The following SLC9A3 variants were observed in gnomAD, a reference collection of about 807,000 sequenced individuals.
SLC9A3 encodes solute carrier family 9 member A3, also known as sodium/hydrogen exchanger 3.
In SLC9A3, 37 loss-of-function variants were observed where a neutral mutation model predicts 86.8. The ratio of observed to expected loss-of-function variants is 0.43; its 90% CI spans 0.33 to 0.56. The LOEUF is 0.56. Among genes scored for constraint, SLC9A3 ranks in the 20% least tolerant of loss-of-function variants. The pLI is 0.06. For synonymous variants in SLC9A3, 581 were observed against 528.3 expected (o/e 1.10, Z -1.37); for missense variants, 1,011 against 1,171.9 (o/e 0.86, Z 2.00).
At chr5:489,164 C>A (rs1057105892) in intron 2 of SLC9A3, among the ~76,000 whole-genome samples, 1 of 152,208 alleles carries the variant, frequency 6.6e-6, no homozygotes, top group Non-Finnish European at 1.5e-5. Context: ...TCCAGGGGAC[C>A]CTCAGGGAAC....
chr5:489,974 A>C (rs1739650631), intron 2 of SLC9A3, among the ~76,000 whole-genome samples: 1 of 152,204 alleles, frequency 6.6e-6, no homozygotes, highest in South Asian at 2.1e-4. Flanking sequence ...CACTGCCCGG[A>C]CAGCCCCCGG....
At chr5:486,905 G>T (rs1399269645) in intron 3 of SLC9A3, among the ~76,000 whole-genome samples, 1 of 109,190 alleles carries the variant, frequency 9.2e-6, no homozygotes, top group Admixed American at 9.7e-5. Context: ...CCGTGATCCA[G>T]ACCGCACTGA....
chr5:477,298 T>C, intron 11 of SLC9A3, 34 bp downstream of exon 11: 1 of 1,467,934 alleles, frequency 6.8e-7, no homozygotes, highest in Non-Finnish European at 9.4e-7. Flanking sequence ...GCTGGGCTCT[T>C]CCCCAGGGAA....
intron 1 of SLC9A3, among the ~76,000 whole-genome samples, chr5:493,615 A>C (rs1042441093): frequency 1.3e-5 from 2 of 152,210 alleles, no homozygotes; most frequent in African/African-American, 4.8e-5. Context: ...TGGCAGGCAC[A>C]AGCTCCGCAC....
At chr5:522,741 A>G (rs370728126) in intron 1 of SLC9A3, among the ~76,000 whole-genome samples, 4 of 140,990 alleles carry the variant, frequency 2.8e-5, no homozygotes, top group African/African-American at 1.1e-4. Flanking sequence ...TTCTATCTCA[A>G]AAAAAAAAAA....
At chr5:482,892 G>A (rs760364639) in intron 6 of SLC9A3, 142 bp from the exon 7 acceptor site, 27 of 668,930 alleles carry the variant, frequency 4.0e-5, no homozygotes, top group African/African-American at 1.1e-4. Context: ...CCCACGCCAC[G>A]TCCCTCGTCA....
intron 1 of SLC9A3, among the ~76,000 whole-genome samples, chr5:517,662 TCATC>T (rs1733771091): frequency 6.7e-6 from 1 of 150,254 alleles, no homozygotes; most frequent in Non-Finnish European, 1.5e-5. Flanking sequence ...ATCCATTCAT[TCATC>T]CATCTATCCA....
rs1190493485 is a variant in SLC9A3 at position 471,753 on chromosome 5, G to A, written c.*1626C>T. The stretch of plus-strand genomic sequence containing the variant: ...TGCGCTTGATCTGATCCAAGTAACA[G>A]TGACTGCAGTTAGGGTCGAGAGCTT... On this transcript the variant is annotated 3_prime_UTR_variant, in exon 17 of 17. Coordinates refer to ENST00000264938, the MANE Select transcript of SLC9A3 (RefSeq NM_004174.4). The A allele has an allele frequency of 8.8e-6, 4 of 456,036 alleles. No homozygotes were observed. Among genetic ancestry groups the A allele is most frequent in the Non-Finnish European group, 1.8e-5 (4 of 226,680 alleles). The allele number at this position is 456,036 out of a possible 1,614,324, so 28.2% of individuals were successfully genotyped here. A position where few individuals can be genotyped will look rare whatever the true frequency, so the allele number is the denominator to read the frequency against.
rs1739027881 is a variant in SLC9A3 at position 479,675 on chromosome 5, T to A, written c.1647+161A>T. 9.2e-6 allele frequency: 6 copies of A among 649,024 alleles called. No individual in the cohort carries two copies. In the East Asian group the frequency reaches 1.7e-4, roughly 18 times the overall value. The allele number at this position is 649,024 out of a possible 1,614,324, so 40.2% of individuals were successfully genotyped here. Reference sequence around the variant, plus strand: ...TTTACCCCACGAGAGCCCCTGGGATTCCCAGGGCATCAGAAGGCCCATCAG... The same window carrying A: ...TTTACCCCACGAGAGCCCCTGGGATACCCAGGGCATCAGAAGGCCCATCAG... On this transcript the variant is annotated intron_variant, in intron 10 of 16. Coordinates refer to ENST00000264938, the MANE Select transcript of SLC9A3 (RefSeq NM_004174.4).
At chr5:517,353 C>G (rs1733761395) in intron 1 of SLC9A3, among the ~76,000 whole-genome samples, 1 of 152,026 alleles carries the variant, frequency 6.6e-6, no homozygotes, top group Non-Finnish European at 1.5e-5. Context: ...ACCCACCCAT[C>G]CATCAATCCA....
intron 1 of SLC9A3, among the ~76,000 whole-genome samples, chr5:514,136 C>G (rs1194094651): frequency 1.3e-5 from 2 of 152,262 alleles, no homozygotes; most frequent in Admixed American, 1.3e-4. Flanking sequence ...TCACAGTTGG[C>G]TCTAACTAAT....
In SLC9A3 at chr5:473,603, C is replaced by T. The variant is rs552111433; in HGVS notation, c.2502-221G>A. On this transcript the variant is annotated intron_variant, in intron 16 of 16. Coordinates refer to ENST00000264938, the MANE Select transcript of SLC9A3 (RefSeq NM_004174.4). ...AGCCCCAGCCCGGCCCCGCCACGTCCCCCCGCCGGGGGTCCCGGGACAGCG... is the reference window on the plus strand; with the variant it reads ...AGCCCCAGCCCGGCCCCGCCACGTCTCCCCGCCGGGGGTCCCGGGACAGCG... Among the ~76,000 whole-genome samples, 53 of 152,224 alleles carry T rather than the reference C, an allele frequency of 3.5e-4. No individual in the cohort carries two copies. In the East Asian group the frequency reaches 9.5e-3, roughly 27 times the overall value.
At chr5:475,773 T>A in intron 14 of SLC9A3, 102 bp from the exon 15 acceptor site, 1 of 752,618 alleles carries the variant, frequency 1.3e-6, no homozygotes. Flanking sequence ...GTGCAGGCAG[T>A]CGGGACCCAC....
chr5:522,069 G>T (rs146247820), intron 1 of SLC9A3, among the ~76,000 whole-genome samples: 1 of 151,892 alleles, frequency 6.6e-6, no homozygotes, highest in South Asian at 2.1e-4. Flanking sequence ...GAGGGTCTGC[G>T]CCTGTGGGAT....
chr5:492,968 C>A lies in SLC9A3; in HGVS notation c.212-897G>T, dbSNP rs540874274. Among the ~76,000 whole-genome samples, 11 of 152,344 alleles carry A rather than the reference C, an allele frequency of 7.2e-5. No homozygotes were observed. In the East Asian group the frequency reaches 2.1e-3, roughly 29 times the overall value. ...CACGGGTGAGCTTAAGGGTGGACAGCAGGTCCTGGGGACCCCCCGTGGAGC... is the reference window on the plus strand; with the variant it reads ...CACGGGTGAGCTTAAGGGTGGACAGAAGGTCCTGGGGACCCCCCGTGGAGC... On this transcript the variant is annotated intron_variant, in intron 1 of 16. Transcript: ENST00000264938.
At chr5:489,714 C>T (rs973515562) in intron 2 of SLC9A3, among the ~76,000 whole-genome samples, 1 of 152,218 alleles carries the variant, frequency 6.6e-6, no homozygotes, top group African/African-American at 2.4e-5. Context: ...GACACGAATC[C>T]CCTTCAAGGT....
intron 8 of SLC9A3, 107 bp from the exon 9 acceptor site, chr5:481,742 C>A: frequency 1.0e-6 from 1 of 979,124 alleles, no homozygotes; most frequent in Admixed American, 1.7e-5. Flanking sequence ...CCCCCCTCAC[C>A]ACGCCCCTGG....
intron 8 of SLC9A3, 48 bp from the exon 9 acceptor site, chr5:481,683 A>T (rs1162517183): frequency 6.8e-7 from 1 of 1,477,728 alleles, no homozygotes; most frequent in Non-Finnish European, 9.5e-7. Flanking sequence ...CCAACCGGGG[A>T]ACATGAGGTG....
chr5:479,551 C>T (rs765774000), intron 10 of SLC9A3: 21 of 408,886 alleles, frequency 5.1e-5, no homozygotes, highest in Non-Finnish European at 8.7e-5. Context: ...TTACCGTCTG[C>T]TCCCATCCCT....
Sources: allele counts gnomAD v4.1 joint callset (sites outside exome capture counted in the v4.1 genomes callset), GRCh38; gene constraint gnomAD v4.1.1; transcripts MANE v1.5; gene names NCBI Gene and HGNC (gene_info 2026-07-23, HGNC 2026-07-21).